Variants in CAMK1D observed in about 807,000 individuals in gnomAD.
CAMK1D encodes calcium/calmodulin dependent protein kinase ID.
Under a neutral mutation model 47.7 loss-of-function variants are expected in CAMK1D, and 9 were observed. The ratio of observed to expected loss-of-function variants is 0.19; its 90% CI spans 0.11 to 0.33. The LOEUF (loss-of-function observed/expected upper bound fraction) is 0.33. CAMK1D is among the 10% of genes least tolerant of loss of function. The probability of loss-of-function intolerance (pLI) is 1.00; values close to 1 mark genes in which losing one functional copy is unlikely to be tolerated. For missense variants in CAMK1D, 291 were observed against 488.7 expected (o/e 0.60, Z 3.81); for synonymous variants, 184 against 184.9 (o/e 0.99, Z 0.04).
intron 1 of CAMK1D, among the ~76,000 whole-genome samples, chr10:12,390,720 C>T (rs11257763): frequency 0.13 from 19,727 of 152,004 alleles, 1,379 homozygotes; most frequent in South Asian, 0.19. Context: ...AGCTTCTAGT[C>T]GAACGTGTAA....
rs147881266 is a variant in CAMK1D at position 12,591,757 on chromosome 10, G to A, written c.224+38401G>A. 3.9e-3 allele frequency among the ~76,000 whole-genome samples: 596 copies of A among 152,306 alleles called. 6 individuals carry two copies. Among genetic ancestry groups the A allele is most frequent in the African/African-American group, 0.013 (548 of 41,548 alleles). The stretch of plus-strand genomic sequence containing the variant: ...CCCCCAGGCTGGAGTGCAATGGCGC[G>A]ATCTCGGCTCACTGCAACCTCCGCC... On this transcript the variant is annotated intron_variant, in intron 2 of 10. Coordinates refer to ENST00000619168, the MANE Select transcript of CAMK1D (RefSeq NM_153498.4).
At chr10:12,412,709 AAAAAG>A (rs1564323712) in intron 1 of CAMK1D, among the ~76,000 whole-genome samples, 1 of 151,260 alleles carries the variant, frequency 6.6e-6, no homozygotes, top group Non-Finnish European at 1.5e-5. Context: ...AAAAAAAAAA[AAAAAG>A]AGTGGAACAG....
chr10:12,553,756 C>A (rs1836669212), intron 2 of CAMK1D, among the ~76,000 whole-genome samples: 1 of 152,216 alleles, frequency 6.6e-6, no homozygotes, highest in Admixed American at 6.5e-5. Flanking sequence ...GTGAAGTGCT[C>A]ACTGCAGCAC....
At position 12,693,956 on chromosome 10, in the gene CAMK1D, TTATATATAAAATATATAATATATATTA is replaced by T. The variant is rs1422321273; in HGVS notation, c.299+27153_299+27179del. Among the ~76,000 whole-genome samples, 34 of 60,690 alleles carry T rather than the reference TTATATATAAAATATATAATATATATTA, an allele frequency of 5.6e-4. No homozygotes were observed. In the East Asian group the frequency reaches 9.3e-3, roughly 17 times the overall value. 39.8% of individuals were successfully genotyped at this position (60,690 alleles called of 152,430 possible). A position where few individuals can be genotyped will look rare whatever the true frequency, so the allele number is the denominator to read the frequency against. ...ACATATATAAAATATATAATATATA[TTATATATAAAATATATAATATATATTA>T]TATATACATATAATATATATAATAT... is the stretch of plus-strand genomic sequence containing the variant. On this transcript the variant is annotated intron_variant, in intron 3 of 10. Transcript: ENST00000619168.
intron 3 of CAMK1D, among the ~76,000 whole-genome samples, chr10:12,711,261 T>C (rs1441937960): frequency 6.6e-6 from 1 of 152,114 alleles, no homozygotes. Flanking sequence ...GCAGTGGTCA[T>C]AGGGGACTGG....
chr10:12,787,647 G>A (rs981034684), intron 5 of CAMK1D, among the ~76,000 whole-genome samples: 2 of 152,212 alleles, frequency 1.3e-5, no homozygotes, highest in East Asian at 3.9e-4. Flanking sequence ...CTCCTTTCTC[G>A]TGTATCTGTT....
At chr10:12,448,142 C>T (rs2466729) in intron 1 of CAMK1D, among the ~76,000 whole-genome samples, 116,743 of 151,116 alleles carry the variant, frequency 0.77, 45,204 homozygotes, top group African/African-American at 0.8. Context: ...GCATGAGCCA[C>T]GACTCCTGGA....
At chr10:12,354,244 G>A (rs1487089815) in intron 1 of CAMK1D, among the ~76,000 whole-genome samples, 1 of 152,138 alleles carries the variant, frequency 6.6e-6, no homozygotes, top group African/African-American at 2.4e-5. Context: ...TAGATGGCTG[G>A]ACAAGGCATC....
chr10:12,425,068 C>T (rs1461871575), intron 1 of CAMK1D, among the ~76,000 whole-genome samples: 1 of 152,174 alleles, frequency 6.6e-6, no homozygotes, highest in Non-Finnish European at 1.5e-5. Context: ...GCTCCAGCCA[C>T]ACTGGACGGT....
intron 1 of CAMK1D, 45 bp from the exon 2 acceptor site, chr10:12,553,180 T>C (rs772097722): frequency 1.2e-6 from 2 of 1,611,214 alleles, no homozygotes; most frequent in Admixed American, 3.3e-5. Flanking sequence ...ATTGTGAAAC[T>C]GGACTTCTGC....
chr10:12,503,168 GTA>G (rs1272352371), intron 1 of CAMK1D, among the ~76,000 whole-genome samples: 2 of 152,216 alleles, frequency 1.3e-5, no homozygotes, highest in African/African-American at 2.4e-5. Context: ...GTGCATGTGT[GTA>G]TATGTGTATA....
chr10:12,371,535 C>T (rs1838006612), intron 1 of CAMK1D, among the ~76,000 whole-genome samples: 1 of 147,880 alleles, frequency 6.8e-6, no homozygotes, highest in African/African-American at 2.5e-5. Context: ...GAGATCGTGC[C>T]ACTGCACTCC....
intron 6 of CAMK1D, among the ~76,000 whole-genome samples, chr10:12,793,495 C>T (rs1473080476): frequency 6.6e-6 from 1 of 152,206 alleles, no homozygotes; most frequent in Non-Finnish European, 1.5e-5. Flanking sequence ...TCAGATCAGG[C>T]TGCTACAACA....
At chr10:12,594,510 C>T (rs1838087216) in intron 2 of CAMK1D, among the ~76,000 whole-genome samples, 1 of 152,218 alleles carries the variant, frequency 6.6e-6, no homozygotes, top group African/African-American at 2.4e-5. Flanking sequence ...GCCTCCACCA[C>T]AGCCAAGAGT....
chr10:12,415,575 C>A (rs113903057), intron 1 of CAMK1D, among the ~76,000 whole-genome samples: 26,522 of 149,946 alleles, frequency 0.18, 2,638 homozygotes, highest in Non-Finnish European at 0.22. Context: ...GCTGGGATTA[C>A]AGGCATGAGC....
chr10:12,567,778 C>G (rs1209069596), intron 2 of CAMK1D, among the ~76,000 whole-genome samples: 1 of 152,176 alleles, frequency 6.6e-6, no homozygotes, highest in African/African-American at 2.4e-5. Flanking sequence ...TCTTCCAGGG[C>G]AAAGCCACTT....
intron 3 of CAMK1D, among the ~76,000 whole-genome samples, chr10:12,744,740 T>TA (rs10589773): frequency 0.044 from 5,943 of 136,536 alleles, 247 homozygotes; most frequent in African/African-American, 0.11. Flanking sequence ...AAATAAAAAT[T>TA]AAAAAAAAAA....
At chr10:12,531,510 G>T (rs1394730277) in intron 1 of CAMK1D, among the ~76,000 whole-genome samples, 1 of 152,208 alleles carries the variant, frequency 6.6e-6, no homozygotes, top group African/African-American at 2.4e-5. Context: ...CCAAGTTACT[G>T]ATGATAAACA....
At chr10:12,813,203 G>A (rs1218947304) in intron 6 of CAMK1D, among the ~76,000 whole-genome samples, 1 of 152,146 alleles carries the variant, frequency 6.6e-6, no homozygotes, top group African/African-American at 2.4e-5. Flanking sequence ...GATATTGTAG[G>A]CTTACAACGT....
Sources: gnomAD v4.1 joint callset for allele counts (sites outside exome capture counted in the v4.1 genomes callset) on GRCh38, gnomAD v4.1.1 for gene constraint, MANE v1.5 for transcripts, NCBI Gene and HGNC (gene_info 2026-07-23, HGNC 2026-07-21) for gene names.